Variants in GALNT13 observed in about 807,000 individuals in gnomAD.
GALNT13 encodes polypeptide N-acetylgalactosaminyltransferase 13.
Under a neutral mutation model 64.2 loss-of-function variants are expected in GALNT13, and 28 were observed. That is an observed-to-expected ratio of 0.44 (90% confidence interval 0.32 to 0.60). GALNT13 has a LOEUF of 0.60. Ranked by LOEUF, GALNT13 falls within the 20% of genes least tolerant of loss-of-function variation. The pLI, the probability that GALNT13 is intolerant of heterozygous loss-of-function variation, is 0.05. For synonymous variants in GALNT13, 214 were observed against 224.6 expected (o/e 0.95, Z 0.42); for missense variants, 577 against 669.8 (o/e 0.86, Z 1.53).
the GALNT13 span, among the ~76,000 whole-genome samples, chr2:153,226,123 G>A: frequency 6.6e-5 from 10 of 151,854 alleles, no homozygotes; most frequent in Non-Finnish European, 1.3e-4. Flanking sequence ...TAGTAGAGAT[G>A]GGGTTTCACC....
At chr2:153,373,298 CAA>C in the GALNT13 span, among the ~76,000 whole-genome samples, 2 of 152,080 alleles carry the variant, frequency 1.3e-5, no homozygotes, top group Non-Finnish European at 2.9e-5. Flanking sequence ...CTAAGAAAAA[CAA>C]AGAGTATTTA....
chr2:153,491,469 A>G, the GALNT13 span, among the ~76,000 whole-genome samples: 1 of 152,144 alleles, frequency 6.6e-6, no homozygotes, highest in Non-Finnish European at 1.5e-5. Flanking sequence ...AACTGAAATC[A>G]TTTAGAAAGG....
At chr2:154,396,342 A>AT (rs977222499) in intron 10 of GALNT13, among the ~76,000 whole-genome samples, 8 of 151,998 alleles carry the variant, frequency 5.3e-5, no homozygotes, top group South Asian at 2.1e-4. Flanking sequence ...CAAAAAAAAA[A>AT]TTTTTTTAAC....
intron 2 of GALNT13, among the ~76,000 whole-genome samples, chr2:153,903,467 A>T (rs1688362766): frequency 6.6e-6 from 1 of 152,006 alleles, no homozygotes; most frequent in South Asian, 2.1e-4. Context: ...GGAGAAGTAG[A>T]ATAATATACT....
At chr2:153,149,240 T>G in the GALNT13 span, among the ~76,000 whole-genome samples, 1 of 152,016 alleles carries the variant, frequency 6.6e-6, no homozygotes, top group South Asian at 2.1e-4. Flanking sequence ...ATTTTACAGA[T>G]GAAGGGGCTC....
chr2:153,678,952 G>A, the GALNT13 span, among the ~76,000 whole-genome samples: 6 of 151,998 alleles, frequency 3.9e-5, no homozygotes, highest in South Asian at 8.3e-4. Context: ...TGGAAGTGAA[G>A]AAGCAGTCAT....
At chr2:154,029,959 C>G (rs1698235752) in intron 3 of GALNT13, among the ~76,000 whole-genome samples, 1 of 151,974 alleles carries the variant, frequency 6.6e-6, no homozygotes, top group African/African-American at 2.4e-5. Context: ...CACCTGAGGA[C>G]AGAATTATTA....
At chr2:153,811,115 C>T in the GALNT13 span, among the ~76,000 whole-genome samples, 10 of 152,112 alleles carry the variant, frequency 6.6e-5, no homozygotes, top group East Asian at 3.9e-4. Flanking sequence ...TTATTATTAT[C>T]GTTATCATTA....
At chr2:153,921,709 A>G (rs1689769071) in intron 2 of GALNT13, among the ~76,000 whole-genome samples, 1 of 152,144 alleles carries the variant, frequency 6.6e-6, no homozygotes, top group Non-Finnish European at 1.5e-5. Flanking sequence ...AAATATTGGA[A>G]TGGCCGAGAG....
the GALNT13 span, among the ~76,000 whole-genome samples, chr2:153,685,458 GTCT>G: frequency 6.6e-6 from 1 of 151,984 alleles, no homozygotes; most frequent in Non-Finnish European, 1.5e-5. Flanking sequence ...CCACATGTAA[GTCT>G]TCTTTTGAAA....
the GALNT13 span, among the ~76,000 whole-genome samples, chr2:153,684,224 TGAC>T: frequency 6.6e-6 from 1 of 151,672 alleles, no homozygotes; most frequent in African/African-American, 2.4e-5. Flanking sequence ...AAATTTGTTA[TGAC>T]AATTGTTGGT....
At chr2:153,493,317 A>G in the GALNT13 span, among the ~76,000 whole-genome samples, 1 of 152,048 alleles carries the variant, frequency 6.6e-6, no homozygotes, top group Admixed American at 6.5e-5. Flanking sequence ...GAAAGGAAAA[A>G]TTGCTAATAT....
the GALNT13 span, among the ~76,000 whole-genome samples, chr2:153,180,662 C>T: frequency 2.6e-5 from 4 of 152,134 alleles, no homozygotes; most frequent in Non-Finnish European, 5.9e-5. Flanking sequence ...GCTTTGCTTT[C>T]AGCAAGACTT....
the GALNT13 span, among the ~76,000 whole-genome samples, chr2:153,072,098 GTTC>G: frequency 1.3e-5 from 2 of 152,154 alleles, no homozygotes; most frequent in African/African-American, 4.8e-5. Flanking sequence ...AAATATTTCA[GTTC>G]TTCTAATAAC....
the GALNT13 span, among the ~76,000 whole-genome samples, chr2:153,124,338 A>C: frequency 6.6e-6 from 1 of 152,228 alleles, no homozygotes; most frequent in African/African-American, 2.4e-5. Context: ...GTGATATAAT[A>C]AATGTTGTTT....
At chr2:153,841,991 C>T in the GALNT13 span, among the ~76,000 whole-genome samples, 1 of 152,008 alleles carries the variant, frequency 6.6e-6, no homozygotes, top group Non-Finnish European at 1.5e-5. Flanking sequence ...TAAGGGTGTT[C>T]TTTCCTATAC....
At chr2:153,856,088 G>A in the GALNT13 span, among the ~76,000 whole-genome samples, 351 of 152,266 alleles carry the variant, frequency 2.3e-3, 1 homozygote, top group Admixed American at 4.6e-3. Flanking sequence ...TATAGGGAGG[G>A]ATTACAGATG....
chr2:154,071,247 G>A (rs1383881532), intron 3 of GALNT13, among the ~76,000 whole-genome samples: 4 of 152,028 alleles, frequency 2.6e-5, no homozygotes, highest in Admixed American at 6.6e-5. Context: ...CTGAAAACTA[G>A]CATAACTGAC....
chr2:154,119,326 GA>G (rs1681796312), intron 3 of GALNT13, among the ~76,000 whole-genome samples: 1 of 152,106 alleles, frequency 6.6e-6, no homozygotes, highest in South Asian at 2.1e-4. Context: ...TCATTTGTGT[GA>G]AATGTTTGTC....
Sources: allele counts gnomAD v4.1 joint callset (sites outside exome capture counted in the v4.1 genomes callset), GRCh38; gene constraint gnomAD v4.1.1; transcripts MANE v1.5; gene names NCBI Gene and HGNC (gene_info 2026-07-23, HGNC 2026-07-21).